The following ITGA1 variants were observed in gnomAD, a reference collection of about 807,000 sequenced individuals.
The protein encoded by ITGA1 is integrin subunit alpha 1.
Under a neutral mutation model 145.9 loss-of-function variants are expected in ITGA1, and 85 were observed. That is an observed-to-expected ratio of 0.58 (90% CI 0.49 to 0.70). The LOEUF is 0.70. Ranked by LOEUF, ITGA1 falls within the 30% of genes least tolerant of loss-of-function variation. The pLI is 0.00. For missense variants in ITGA1, 1,351 were observed against 1,418.7 expected (o/e 0.95, Z 0.77); for synonymous variants, 520 against 495.3 (o/e 1.05, Z -0.66).
chr5:52,823,272 T>C (rs756086868), intron 1 of ITGA1, among the ~76,000 whole-genome samples: 2 of 152,200 alleles, frequency 1.3e-5, no homozygotes, highest in African/African-American at 2.4e-5. Flanking sequence ...TGGTACGATA[T>C]TGGCTCACTG....
intron 1 of ITGA1, among the ~76,000 whole-genome samples, chr5:52,837,084 A>C (rs1479767081): frequency 2.0e-5 from 3 of 152,204 alleles, no homozygotes; most frequent in African/African-American, 7.2e-5. Flanking sequence ...GAGAAAGTCC[A>C]GTAAAGACCA....
chr5:52,808,342 A>C (rs1192295109), intron 1 of ITGA1, among the ~76,000 whole-genome samples: 1 of 152,226 alleles, frequency 6.6e-6, no homozygotes, highest in Non-Finnish European at 1.5e-5. Context: ...CAGTAATAAA[A>C]CTCAAATAAT....
chr5:52,928,438 G>C (rs1041675897), intron 20 of ITGA1, among the ~76,000 whole-genome samples: 1 of 152,080 alleles, frequency 6.6e-6, no homozygotes, highest in African/African-American at 2.4e-5. Flanking sequence ...TATAATTCAC[G>C]TAGCATGGAG....
intron 21 of ITGA1, chr5:52,931,827 TTG>T: frequency 2.6e-6 from 1 of 391,832 alleles, no homozygotes; most frequent in Non-Finnish European, 4.5e-6. Flanking sequence ...ATCAGTGTGA[TTG>T]TCAAGTCTAG....
At chr5:52,883,935 A>G (rs2111808036) in intron 7 of ITGA1, among the ~76,000 whole-genome samples, 1 of 152,312 alleles carries the variant, frequency 6.6e-6, no homozygotes, top group East Asian at 1.9e-4. Context: ...TAGAACAGTC[A>G]CATTTTATTT....
chr5:52,910,524 C>A, intron 14 of ITGA1, 105 bp downstream of exon 14: 1 of 1,234,220 alleles, frequency 8.1e-7, no homozygotes, highest in East Asian at 2.4e-5. Flanking sequence ...TCCTCCTGAC[C>A]TTATTGGGAA....
At chr5:52,832,783 G>GTGTGTGTC (rs1554042269) in intron 1 of ITGA1, among the ~76,000 whole-genome samples, 6 of 144,398 alleles carry the variant, frequency 4.2e-5, no homozygotes, top group African/African-American at 1.6e-4. Context: ...GTGTGTGTGT[G>GTGTGTGTC]TGTGTGTGTG....
intron 26 of ITGA1, among the ~76,000 whole-genome samples, chr5:52,944,043 G>A (rs1478362117): frequency 6.6e-6 from 1 of 152,188 alleles, no homozygotes; most frequent in East Asian, 1.9e-4. Flanking sequence ...AGAGGCTGCA[G>A]AACAGACATG....
chr5:52,918,998 G>A (rs960387103), intron 16 of ITGA1, 100 bp downstream of exon 16: 4 of 1,014,064 alleles, frequency 3.9e-6, no homozygotes, highest in Non-Finnish European at 5.6e-6. Flanking sequence ...CCCACATGGT[G>A]AGCTGCACGT....
chr5:52,956,316 C>T lies in ITGA1; in HGVS notation c.*3865C>T, dbSNP rs753264731. 1 of 152,214 alleles carries T rather than the reference C, an allele frequency of 6.6e-6. No homozygotes were observed. The highest frequency in any genetic ancestry group is 1.5e-5 in the Non-Finnish European group (1 of 68,050). 9.4% of individuals were successfully genotyped at this position (152,214 alleles called of 1,614,324 possible). A position where few individuals can be genotyped will look rare whatever the true frequency, so the allele number is the denominator to read the frequency against. On this transcript the variant is annotated 3_prime_UTR_variant, in exon 29 of 29. Coordinates refer to ENST00000282588, the MANE Select transcript of ITGA1 (RefSeq NM_181501.2). ...CAGAGCCTGTCTCATGTGCCAGGTG[C>T]AGTCACATTATTGTTAAAATAAAGT...
At chr5:52,923,677 T>C (rs1750763573) in intron 18 of ITGA1, among the ~76,000 whole-genome samples, 1 of 152,212 alleles carries the variant, frequency 6.6e-6, no homozygotes, top group Non-Finnish European at 1.5e-5. Context: ...AATTTCCTAT[T>C]GTTGGAGTTT....
chr5:52,891,555 T>TAAAAAA (rs56185635), intron 8 of ITGA1, among the ~76,000 whole-genome samples: 5 of 118,876 alleles, frequency 4.2e-5, no homozygotes, highest in African/African-American at 1.0e-4. Flanking sequence ...TCATGAACAC[T>TAAAAAA]AAAAAAAAAA....
Position 52,952,497 on chromosome 5 carries a change from C to T in ITGA1, c.*46C>T, listed in dbSNP as rs1224654587. ...AATAACAATTATTCAATAATCTATC[C>T]TCAGGTTTGCCTCAAATATGTGACA... On this transcript the variant is annotated 3_prime_UTR_variant, in exon 29 of 29. Coordinates refer to ENST00000282588, the MANE Select transcript of ITGA1 (RefSeq NM_181501.2). 5 of 908,538 alleles carry T rather than the reference C, an allele frequency of 5.5e-6. No homozygotes were observed. Among genetic ancestry groups the T allele is most frequent in the Non-Finnish European group, 8.3e-6 (5 of 604,190 alleles). 56.3% of individuals were successfully genotyped at this position (908,538 alleles called of 1,614,324 possible). A position where few individuals can be genotyped will look rare whatever the true frequency, so the allele number is the denominator to read the frequency against.
At chr5:52,830,932 T>C (rs1749051609) in intron 1 of ITGA1, among the ~76,000 whole-genome samples, 1 of 152,194 alleles carries the variant, frequency 6.6e-6, no homozygotes, top group Non-Finnish European at 1.5e-5. Flanking sequence ...GCCCTTATTT[T>C]TATGTGCATA....
chr5:52,790,352 T>C (rs1210761028), intron 1 of ITGA1, among the ~76,000 whole-genome samples: 1 of 152,258 alleles, frequency 6.6e-6, no homozygotes, highest in Non-Finnish European at 1.5e-5. Flanking sequence ...ACTACTCCTA[T>C]GTCAGTTTCT....
intron 1 of ITGA1, chr5:52,801,490 A>G: frequency 6.2e-7 from 1 of 1,614,044 alleles, no homozygotes; most frequent in Non-Finnish European, 8.5e-7. Context: ...TTCAGACACT[A>G]AAGCTGCTGG....
intron 15 of ITGA1, 96 bp downstream of exon 15, chr5:52,915,690 C>T (rs542228525): frequency 2.4e-4 from 337 of 1,426,868 alleles, no homozygotes; most frequent in Non-Finnish European, 3.1e-4. Context: ...TATCTATTTC[C>T]TTTTGTGTTC....
At chr5:52,802,362 A>G (rs577211718) in intron 1 of ITGA1, 3 of 152,258 alleles carry the variant, frequency 2.0e-5, no homozygotes, top group Non-Finnish European at 2.9e-5. Context: ...TGATTGCCGT[A>G]CAATTAGTAG....
chr5:52,800,096 AT>A (rs141683459), intron 1 of ITGA1: 13,510 of 363,766 alleles, frequency 0.037, 1,615 homozygotes, highest in African/African-American at 0.26. Flanking sequence ...ATGCGCCTTC[AT>A]TTCGTCAGCC....
Sources: allele counts gnomAD v4.1 joint callset (sites outside exome capture counted in the v4.1 genomes callset), GRCh38; gene constraint gnomAD v4.1.1; transcripts MANE v1.5; gene names NCBI Gene and HGNC (gene_info 2026-07-23, HGNC 2026-07-21).